The following DBX1 variants were observed in gnomAD, a reference collection of about 807,000 sequenced individuals.
DBX1 encodes homeobox protein DBX1.
A neutral mutation model predicts 20.8 loss-of-function variants in DBX1; 10 were observed. That is an observed-to-expected ratio of 0.48 (90% CI 0.30 to 0.82). The LOEUF (loss-of-function observed/expected upper bound fraction) is 0.82. Among genes scored for constraint, DBX1 ranks in the 40% least tolerant of loss-of-function variants. The pLI is 0.07. For missense variants in DBX1, 505 were observed against 468.8 expected (o/e 1.08, Z -0.71); for synonymous variants, 241 against 213.9 (o/e 1.13, Z -1.11).
intron 2 of DBX1, 27 bp downstream of exon 2, chr11:20,159,164 C>CG (rs1267575846): frequency 1.9e-6 from 3 of 1,547,088 alleles, no homozygotes; most frequent in Non-Finnish European, 2.7e-6. Context: ...CGCCCTGCCT[C>CG]GCGCAAAGAA....
In DBX1 at chr11:20,156,252, C is replaced by T; in HGVS notation, c.994G>A (p.Glu332Lys). 6.6e-7 allele frequency: 1 copy of T among 1,521,150 alleles called. No homozygotes were observed. The highest frequency in any genetic ancestry group is 8.8e-7 in the Non-Finnish European group (1 of 1,136,608). 94.2% of individuals were successfully genotyped at this position (1,521,150 alleles called of 1,614,324 possible). Reference protein sequence around the residue: ...PSDFSDSEEEEEGEEQEEITV... With the variant: ...PSDFSDSEEEKEGEEQEEITV... ...ATTTCCTCCTGTTCCTCGCCCTCCTCTTCCTCCTCGGAATCTGAGAAGTCC... is the reference window on the plus strand; with the variant it reads ...ATTTCCTCCTGTTCCTCGCCCTCCTTTTCCTCCTCGGAATCTGAGAAGTCC... Residue 332 changes from glutamate to lysine, a missense_variant, in exon 4 of 4, where the codon GAG (glutamate) becomes AAG (lysine). Glu to Lys is a moderately conservative substitution (Grantham distance 56). Transcript: ENST00000524983. This position sits in a 1 kb window ranked among gnomAD's most constrained non-coding sequence, Gnocchi z 4.8.
intron 2 of DBX1, 53 bp from the exon 3 acceptor site, chr11:20,157,292 A>G: frequency 6.8e-7 from 1 of 1,480,106 alleles, no homozygotes; most frequent in East Asian, 2.5e-5. Flanking sequence ...CCCAGTCCCA[A>G]CACGGCTCTC....
Position 20,160,417 on chromosome 11 carries a change from T to C in DBX1, c.-93A>G. 1 of 1,390,392 alleles carries C rather than the reference T, an allele frequency of 7.2e-7. No homozygotes were observed. Among genetic ancestry groups the C allele is most frequent in the Middle Eastern group, 2.6e-4 (1 of 3,792 alleles). The allele number at this position is 1,390,392 out of a possible 1,614,324, so 86.1% of individuals were successfully genotyped here. A position where few individuals can be genotyped will look rare whatever the true frequency, so the allele number is the denominator to read the frequency against. Reference sequence around the variant, plus strand: ...CCTCCCGCCCCCACAGTGTCCTCTCTCTTGGGCTTAGCAAACGTCTCCAAG... The same window carrying C: ...CCTCCCGCCCCCACAGTGTCCTCTCCCTTGGGCTTAGCAAACGTCTCCAAG... On this transcript the variant is annotated 5_prime_UTR_variant, in exon 1 of 4. Coordinates refer to ENST00000524983, the MANE Select transcript of DBX1 (RefSeq NM_001029865.4).
chr11:20,160,449 TC>T lies in DBX1; in HGVS notation c.-126del, dbSNP rs1295358005. ...CTTAGCAAACGTCTCCAAGTAACAA[TC>T]CCACTTGGGCGTCTGCGAGTCCTCC... On this transcript the variant is annotated 5_prime_UTR_variant, in exon 1 of 4. Transcript: ENST00000524983. 3.9e-6 allele frequency: 5 copies of T among 1,273,356 alleles called. No homozygotes were observed. The highest frequency in any genetic ancestry group is 3.0e-6 in the Non-Finnish European group (3 of 983,878). 78.9% of individuals were successfully genotyped at this position (1,273,356 alleles called of 1,614,324 possible). A position where few individuals can be genotyped will look rare whatever the true frequency, so the allele number is the denominator to read the frequency against.
chr11:20,156,420 C>A lies in DBX1; in HGVS notation c.826G>T (p.Glu276Ter). ...SDVGQKGPGN[E>*]EEEEGPGSPS... is the part of the protein sequence containing the mutation. ...CTGCCCGGGCCCTCCTCCTCCTCTT[C>A]GTTCCCAGGGCCCTTCTGGCCCACG... Residue 276 changes from glutamate to a stop codon, truncating the protein, a stop_gained, in exon 4 of 4, where the codon GAA (glutamate) becomes TAA (stop). Coordinates refer to ENST00000524983, the MANE Select transcript of DBX1 (RefSeq NM_001029865.4). LOFTEE classifies it low-confidence loss of function (END_TRUNC). The surrounding 1 kb of genome is among the most constrained non-coding windows in gnomAD (Gnocchi z 4.8). The A allele has an allele frequency of 1.2e-6, 2 of 1,604,774 alleles. No homozygotes were observed. Among genetic ancestry groups the A allele is most frequent in the East Asian group, 2.2e-5 (1 of 44,684 alleles).
rs1592274022 is a variant in DBX1 at position 20,160,291 on chromosome 11, C to T, written c.34G>A (p.Gly12Arg). 2 of 1,529,018 alleles carry T rather than the reference C, an allele frequency of 1.3e-6. No homozygotes were observed. Among genetic ancestry groups the T allele is most frequent in the Non-Finnish European group, 8.8e-7 (1 of 1,139,622 alleles). 94.7% of individuals were successfully genotyped at this position (1,529,018 alleles called of 1,614,324 possible). ...GTGGGCCGCAGGAGGCTAGGGTACC[C>T]GGCGGGGGGCGCGAGGAGGCCGGGG... ...MFPGLLAPPA[G>R]YPSLLRPTPT... The change falls in exon 1 of 4, where the codon GGG becomes AGG. Residue 12 changes from glycine to arginine, a missense_variant. Transcript: ENST00000524983.
rs1388391994 is a variant in DBX1, at chr11:20,160,304, G to T, written c.21C>A (p.Leu7=). The T allele has an allele frequency of 4.6e-6, 7 of 1,525,080 alleles. No homozygotes were observed. Among genetic ancestry groups the T allele is most frequent in the East Asian group, 2.5e-5 (1 of 40,478 alleles). 94.5% of individuals were successfully genotyped at this position (1,525,080 alleles called of 1,614,324 possible). A position where few individuals can be genotyped will look rare whatever the true frequency, so the allele number is the denominator to read the frequency against. ...GGCTAGGGTACCCGGCGGGGGGCGC[G>T]AGGAGGCCGGGGAACATCATGGTAG... MMFPGL[L]APPAGYPSLL... The change falls in exon 1 of 4, where the codon CTC becomes CTA. Residue 7 remains leucine, a synonymous_variant. Transcript: ENST00000524983.
In DBX1 at chr11:20,160,309, G is replaced by A. The variant is rs552220798; in HGVS notation, c.16C>T (p.Leu6Phe). 2.5e-4 allele frequency: 376 copies of A among 1,521,644 alleles called. 1 individual carries two copies. Among genetic ancestry groups the A allele is most frequent in the Non-Finnish European group, 5.4e-5 (61 of 1,136,336 alleles). The allele number at this position is 1,521,644 out of a possible 1,614,324, so 94.3% of individuals were successfully genotyped here. The change falls in exon 1 of 4, where the codon CTC becomes TTC. Residue 6 changes from leucine to phenylalanine, a missense_variant. Transcript: ENST00000524983. ...GGGTACCCGGCGGGGGGCGCGAGGA[G>A]GCCGGGGAACATCATGGTAGGCGCG... MMFPG[L>F]LAPPAGYPSL...
rs767950740 is a variant in DBX1, at chr11:20,159,968, C to T, written c.357G>A (p.Gly119=). ...TCTGACCTCGCTTACCTGTTCTGGG[C>T]CCCGAGGAGAGGATGGCGTTCACTC... The part of the protein sequence containing the change: ...KFGVNAILSS[G]PRTETSPALL... Residue 119 remains glycine, a synonymous_variant, in exon 1 of 4, where the codon GGG becomes GGA. Transcript: ENST00000524983. 10 of 1,613,916 alleles carry T rather than the reference C, an allele frequency of 6.2e-6. No individual in the cohort carries two copies. Among genetic ancestry groups the T allele is most frequent in the Non-Finnish European group, 7.6e-6 (9 of 1,180,008 alleles).
Position 20,156,500 on chromosome 11 carries a change from C to T in DBX1, c.746G>A (p.Gly249Asp), listed in dbSNP as rs778952392. 9.8e-5 allele frequency: 158 copies of T among 1,613,826 alleles called. No homozygotes were observed. The highest frequency in any genetic ancestry group is 1.3e-4 in the Non-Finnish European group (153 of 1,180,028). ...SKERELLSSG[G>D]CREQTLPTKL... ...GGTGGGCAGGGTCTGCTCGCGACAG[C>T]CCCCGCTAGACAGGAGTTCGCGCTC... Residue 249 changes from glycine (G) to aspartate (D), a missense_variant, in exon 4 of 4, where the codon GGC becomes GAC. By Grantham distance (94) the Gly-to-Asp change is moderately conservative (BLOSUM62 -1). Transcript: ENST00000524983. The surrounding 1 kb of genome is among the most constrained non-coding windows in gnomAD (Gnocchi z 4.8).
chr11:20,158,959 C>T (rs76088809), intron 2 of DBX1, among the ~76,000 whole-genome samples: 2,968 of 152,252 alleles, frequency 0.019, 92 homozygotes, highest in East Asian at 0.13. Flanking sequence ...CATGACAATT[C>T]CTGCTAATTT....
chr11:20,157,190 G>C lies in DBX1; in HGVS notation c.519C>G (p.Ala173=). The stretch of plus-strand genomic sequence containing the variant: ...TGCCCCGCCGAGGCTTCCCGCGCGC[G>C]GCCAGCGGCCAGGAGAAGGTCCCGG... ...PIPGTFSWPL[A]ARGKPRRGML... is the part of the protein sequence containing the mutation. The change falls in exon 3 of 4, where the codon GCC becomes GCG. Residue 173 remains alanine, a synonymous_variant. Transcript: ENST00000524983. 1.3e-6 allele frequency: 2 copies of C among 1,598,416 alleles called. No individual in the cohort carries two copies. The highest frequency in any genetic ancestry group is 1.7e-6 in the Non-Finnish European group (2 of 1,173,444).
In DBX1 at chr11:20,157,020, G is replaced by A. The variant is rs2063662402; in HGVS notation, c.672+17C>T. 4.3e-6 allele frequency: 7 copies of A among 1,613,014 alleles called. No individual in the cohort carries two copies. Among genetic ancestry groups the A allele is most frequent in the Non-Finnish European group, 5.9e-6 (7 of 1,179,702 alleles). On this transcript the variant is annotated intron_variant, in intron 3 of 3. Transcript: ENST00000524983. The stretch of plus-strand genomic sequence containing the variant: ...AGGGCGGGGGCGGGGGGGGTGCTGT[G>A]GAGGAAATGCGCTCACCTGCGAGTC...
chr11:20,157,895 C>G (rs1212566067), intron 2 of DBX1, among the ~76,000 whole-genome samples: 1 of 151,074 alleles, frequency 6.6e-6, no homozygotes. Flanking sequence ...AAGAAAAAAA[C>G]AAAACAAAAA....
rs1592273919 is a variant in DBX1 at position 20,160,166 on chromosome 11, G to A, written c.159C>T (p.Tyr53=). Residue 53 remains tyrosine, a synonymous_variant, in exon 1 of 4, where the codon TAC becomes TAT. Transcript: ENST00000524983. ...TGGCGGTGGGCACGCTGCGGGGCAG[G>A]TAGGCGGGGGGTCGGCTGATGCGGA... ...DLIRISRPPA[Y]LPRSVPTASM... 6 of 1,548,298 alleles carry A rather than the reference G, an allele frequency of 3.9e-6. No individual in the cohort carries two copies. The highest frequency in any genetic ancestry group is 2.4e-5 in the East Asian group (1 of 40,872).
chr11:20,158,791 G>A (rs377066782), intron 2 of DBX1, among the ~76,000 whole-genome samples: 1 of 151,982 alleles, frequency 6.6e-6, no homozygotes, highest in South Asian at 2.1e-4. Flanking sequence ...GACTAGGGCC[G>A]GTCTGTGTGT....
Position 20,159,174 on chromosome 11 carries a change from A to T in DBX1, c.469+17T>A, listed in dbSNP as rs370758221. 6.3e-7 allele frequency: 1 copy of T among 1,580,938 alleles called. No individual in the cohort carries two copies. Reference sequence around the variant, plus strand: ...GGCGCCGCCCTGCCTCGCGCAAAGAAGGGGGACGAGACCTACCTGGGAAAT... The same window carrying T: ...GGCGCCGCCCTGCCTCGCGCAAAGATGGGGGACGAGACCTACCTGGGAAAT... On this transcript the variant is annotated intron_variant, in intron 2 of 3. Coordinates refer to ENST00000524983, the MANE Select transcript of DBX1 (RefSeq NM_001029865.4).
In DBX1 at chr11:20,157,124, C is replaced by A. The variant is rs1354935878; in HGVS notation, c.585G>T (p.Ala195=). 2 of 1,613,624 alleles carry A rather than the reference C, an allele frequency of 1.2e-6. No homozygotes were observed. Among genetic ancestry groups the A allele is most frequent in the Non-Finnish European group, 1.7e-6 (2 of 1,180,000 alleles). Residue 195 remains alanine, a synonymous_variant, in exon 3 of 4, where the codon GCG becomes GCT. Coordinates refer to ENST00000524983, the MANE Select transcript of DBX1 (RefSeq NM_001029865.4). ...RAVFSDVQRK[A]LEKMFQKQKY... is the part of the protein sequence containing the mutation. Reference sequence around the variant, plus strand: ...TCTGCTTCTGGAACATCTTCTCCAGCGCCTTCCGCTGCACGTCGGAGAAGA... The same window carrying A: ...TCTGCTTCTGGAACATCTTCTCCAGAGCCTTCCGCTGCACGTCGGAGAAGA...
rs774541847 is a variant in DBX1 at position 20,156,373 on chromosome 11, G to T, written c.873C>A (p.Tyr291Ter). 5.6e-6 allele frequency: 9 copies of T among 1,607,778 alleles called. No individual in the cohort carries two copies. The highest frequency in any genetic ancestry group is 7.7e-6 in the Non-Finnish European group (9 of 1,176,022). ...GGTGCTGGGGGTCGGAGGACGCGTG[G>T]TAGGCCAGGCGGTGGCTGGGGCTGC... is the stretch of plus-strand genomic sequence containing the variant. ...GPGSPSHRLA[Y>*]HASSDPQHLR... The change falls in exon 4 of 4, where the codon TAC becomes TAA. Residue 291 changes from tyrosine (Y) to a stop codon, truncating the protein, a stop_gained. Transcript: ENST00000524983. LOFTEE classifies it high-confidence loss of function. The surrounding 1 kb of genome is among the most constrained non-coding windows in gnomAD (Gnocchi z 4.8).
Sources: gnomAD v4.1 joint callset for allele counts (sites outside exome capture counted in the v4.1 genomes callset) on GRCh38, gnomAD v4.1.1 for gene constraint, Gnocchi (gnomAD v3.1) non-coding constraint, MANE v1.5 for transcripts, NCBI Gene and HGNC (gene_info 2026-07-23, HGNC 2026-07-21) for gene names.